The following TRMT2B variants were observed in gnomAD, a reference collection of about 807,000 sequenced individuals.
The protein encoded by TRMT2B is tRNA (uracil-5-)-methyltransferase homolog B.
TRMT2B carries 34 observed loss-of-function variants against 39.7 expected under a neutral mutation model. The observed-to-expected ratio is 0.86, with a 90% CI of 0.65 to 1.14. The LOEUF (loss-of-function observed/expected upper bound fraction) is 1.14. TRMT2B is among the 50% of genes most tolerant of loss of function. The probability of loss-of-function intolerance (pLI) is 0.00; values close to 1 mark genes in which losing one functional copy is unlikely to be tolerated. For missense variants in TRMT2B, 318 were observed against 377.2 expected, an observed-to-expected ratio of 0.84 and a Z score of 1.30; for synonymous variants, 132 against 137.3, an observed-to-expected ratio of 0.96 and a Z score of 0.27.
chrX:101,025,581 G>C (rs775873890), intron 7 of TRMT2B, among the ~76,000 whole-genome samples: 1 of 112,118 alleles, frequency 8.9e-6, no homozygotes, highest in East Asian at 2.8e-4. Context: ...GGTTGTACTT[G>C]ATCACTTTTG....
intron 2 of TRMT2B, among the ~76,000 whole-genome samples, chrX:101,042,982 G>C (rs1021446202): frequency 1.8e-5 from 2 of 111,812 alleles, no homozygotes; most frequent in Non-Finnish European, 3.8e-5. Context: ...TTATAGTAGA[G>C]ACAGCCAGGA....
intron 2 of TRMT2B, among the ~76,000 whole-genome samples, chrX:101,048,105 T>TATACAC (rs1259844392): frequency 1.2e-4 from 8 of 65,755 alleles, no homozygotes; most frequent in African/African-American, 2.0e-4. Context: ...ATTTTACATT[T>TATACAC]ATACACATAC....
chrX:101,006,192 T>G (rs2086100807), downstream of TRMT2B, among the ~76,000 whole-genome samples: 1 of 110,871 alleles, frequency 9.0e-6, no homozygotes, highest in African/African-American at 3.3e-5. Flanking sequence ...ATCGCGCTGC[T>G]GCACTCCAGC....
intron 7 of TRMT2B, among the ~76,000 whole-genome samples, chrX:101,032,492 CAGG>C (rs979592349): frequency 2.3e-4 from 25 of 108,266 alleles, no homozygotes; most frequent in Non-Finnish European, 3.8e-4. Flanking sequence ...GAAGCTGAGG[CAGG>C]AGAATTGCTT....
At chrX:100,973,504 G>A in the TRMT2B span, among the ~76,000 whole-genome samples, 6 of 111,240 alleles carry the variant, frequency 5.4e-5, no homozygotes, top group Non-Finnish European at 9.5e-5. Flanking sequence ...GTCGGGCGGC[G>A]GCGGCTGCCT....
chrX:100,973,761 T>C, the TRMT2B span: 1 of 1,206,296 alleles, frequency 8.3e-7, no homozygotes, highest in Non-Finnish European at 1.1e-6. Flanking sequence ...AATATTACAA[T>C]TATTTCCCTA....
chrX:101,043,944 C>T (rs758651289), intron 2 of TRMT2B, among the ~76,000 whole-genome samples: 1 of 111,925 alleles, frequency 8.9e-6, no homozygotes, highest in African/African-American at 3.2e-5. Context: ...AATAAGGAGG[C>T]TGATAAAAAG....
intron 4 of TRMT2B, among the ~76,000 whole-genome samples, chrX:101,038,359 G>A (rs192439799): frequency 0.018 from 1,083 of 59,428 alleles, 10 homozygotes; most frequent in Non-Finnish European, 0.026. Flanking sequence ...CAACAAGAGC[G>A]AAACTCCGTC....
At chrX:101,000,847 G>A in the TRMT2B span, among the ~76,000 whole-genome samples, 1 of 111,901 alleles carries the variant, frequency 8.9e-6, no homozygotes, top group Non-Finnish European at 1.9e-5. Flanking sequence ...ATCAGAATGT[G>A]AAGTGATGAC....
At chrX:101,005,968 C>G (rs1041210288), downstream of TRMT2B, among the ~76,000 whole-genome samples, 6 of 99,539 alleles carry the variant, frequency 6.0e-5, no homozygotes, top group Non-Finnish European at 1.0e-4. Context: ...CACCTGTAAT[C>G]TCAGCACTCT....
the TRMT2B span, among the ~76,000 whole-genome samples, chrX:100,994,620 C>G: frequency 9.0e-6 from 1 of 111,623 alleles, no homozygotes; most frequent in Non-Finnish European, 1.9e-5. Flanking sequence ...TCTATGACCT[C>G]TGTAGGAAAT....
At chrX:101,019,480 G>A (rs779746180) in intron 11 of TRMT2B, 77 bp from the exon 12 acceptor site, 53 of 1,135,417 alleles carry the variant, frequency 4.7e-5, no homozygotes, top group Non-Finnish European at 6.0e-5. Context: ...AAACGCACAG[G>A]AGCCAAGGGC....
the TRMT2B span, among the ~76,000 whole-genome samples, chrX:100,977,430 G>C: frequency 1.0e-5 from 1 of 100,208 alleles, no homozygotes; most frequent in Non-Finnish European, 2.0e-5. Context: ...GCTCAGGCTG[G>C]AGTGCAGTGG....
At position 101,024,989 on chromosome X, in the gene TRMT2B, G is replaced by GA. The variant is rs1203548990; in HGVS notation, c.610-1374dup. The stretch of plus-strand genomic sequence containing the variant: ...TCCAACCTGGGCAACCTGTGTCTCG[G>GA]AAAAAAAAAAAAGAATCATGATCCC... On this transcript the variant is annotated intron_variant, in intron 7 of 13. Transcript: ENST00000372936. 2.9e-4 allele frequency among the ~76,000 whole-genome samples: 29 copies of GA among 99,726 alleles called. No individual in the cohort carries two copies. The Middle Eastern group carries it at 0.02, about 68-fold the overall frequency. 86.6% of individuals were successfully genotyped at this position (99,726 alleles called of 115,157 possible).
At chrX:101,018,060 G>A (rs1185065097) in intron 13 of TRMT2B, among the ~76,000 whole-genome samples, 1 of 111,403 alleles carries the variant, frequency 9.0e-6, no homozygotes, top group East Asian at 2.8e-4. Flanking sequence ...GTGAGACTTC[G>A]TCTCTATAAA....
intron 3 of TRMT2B, 23 bp downstream of exon 3, chrX:101,042,019 G>C: frequency 2.5e-6 from 3 of 1,208,488 alleles, no homozygotes; most frequent in Non-Finnish European, 3.4e-6. Flanking sequence ...GCTAAGGAGA[G>C]AGGACATCAG....
chrX:101,007,274 A>C (rs1416767648), downstream of TRMT2B, among the ~76,000 whole-genome samples: 1 of 112,248 alleles, frequency 8.9e-6, no homozygotes, highest in Non-Finnish European at 1.9e-5. Flanking sequence ...GGAATCCAAT[A>C]TATCTAGAGA....
chrX:101,018,836 G>A (rs2086656273), intron 13 of TRMT2B, 135 bp downstream of exon 13: 1 of 506,487 alleles, frequency 2.0e-6, no homozygotes, highest in Admixed American at 3.1e-5. Context: ...TCTTAAAGGT[G>A]GTATTTTTTT....
At chrX:101,003,220 TAAATTAAA>T in the TRMT2B span, among the ~76,000 whole-genome samples, 1 of 109,084 alleles carries the variant, frequency 9.2e-6, no homozygotes. Context: ...CTGACCAAAA[TAAATTAAA>T]AAATTAAAAA....
Sources: gnomAD v4.1 joint callset for allele counts (sites outside exome capture counted in the v4.1 genomes callset) on GRCh38, gnomAD v4.1.1 for gene constraint, MANE v1.5 for transcripts, NCBI Gene and HGNC (gene_info 2026-07-23, HGNC 2026-07-21) for gene names.